The following MAP2K5 variants were observed in gnomAD, a reference collection of about 807,000 sequenced individuals.
MAP2K5 encodes the protein mitogen-activated protein kinase kinase 5.
A neutral mutation model predicts 83.1 loss-of-function variants in MAP2K5; 49 were observed. The observed-to-expected ratio is 0.59, with a 90% CI of 0.47 to 0.75. The LOEUF is 0.75. Among genes scored for constraint, MAP2K5 ranks in the 30% least tolerant of loss-of-function variants. The pLI, the probability that MAP2K5 is intolerant of heterozygous loss-of-function variation, is 0.00. For missense variants in MAP2K5, 457 were observed against 557.5 expected (o/e 0.82, Z 1.82); for synonymous variants, 202 against 191.8 (o/e 1.05, Z -0.44).
At chr15:67,549,915 A>G (rs2084473306) in intron 1 of MAP2K5, 119 bp from the exon 2 acceptor site, 1 of 720,432 alleles carries the variant, frequency 1.4e-6, no homozygotes, top group South Asian at 1.6e-5. Flanking sequence ...TAATGTTTTT[A>G]TAGTTTATGC....
Position 67,748,143 on chromosome 15 carries a change from A to G in MAP2K5, c.1075-88A>G, listed in dbSNP as rs1028184818. 1 of 887,890 alleles carries G rather than the reference A, an allele frequency of 1.1e-6. No homozygotes were observed. The allele number at this position is 887,890 out of a possible 1,614,324, so 55.0% of individuals were successfully genotyped here. A position where few individuals can be genotyped will look rare whatever the true frequency, so the allele number is the denominator to read the frequency against. The stretch of plus-strand genomic sequence containing the variant: ...CACATGCCCACAAATTGCCACCAGC[A>G]ATGCAATAATTTTCTCTCAGTGATC... On this transcript the variant is annotated intron_variant, in intron 17 of 21. Coordinates refer to ENST00000178640, the MANE Select transcript of MAP2K5 (RefSeq NM_145160.3). This position sits in a 1 kb window ranked among gnomAD's most constrained non-coding sequence, Gnocchi z 4.0.
At position 67,769,646 on chromosome 15, in the gene MAP2K5, A is replaced by G. The variant is rs934334850; in HGVS notation, c.1179A>G (p.Val393=). 8.7e-6 allele frequency: 14 copies of G among 1,613,644 alleles called. No individual in the cohort carries two copies. Among genetic ancestry groups the G allele is most frequent in the African/African-American group, 6.7e-5 (5 of 74,880 alleles). Residue 393 remains valine (V), a synonymous_variant, in exon 20 of 22, where the codon GTA becomes GTG. Transcript: ENST00000178640. The surrounding 1 kb of genome is among the most constrained non-coding windows in gnomAD (Gnocchi z 5.2). ...LPVGEFSEPF[V]HFITQCMRKQ... ...TTGGAGAGTTCTCGGAGCCATTTGT[A>G]CATTTCATCACTCAGTGGTGAGCCC...
intron 4 of MAP2K5, among the ~76,000 whole-genome samples, chr15:67,583,412 CAT>C (rs1393216622): frequency 1.3e-5 from 2 of 152,112 alleles, no homozygotes; most frequent in Non-Finnish European, 2.9e-5. Flanking sequence ...AATTGTTAAA[CAT>C]AGTCTTTCTA....
At position 67,794,056 on chromosome 15, in the gene MAP2K5, T is replaced by C. The variant is rs1038143428; in HGVS notation, c.1243-12590T>C. ...GTCTTTCTTAACAGTGGAAATAGACTTTGGTTTCATGAGGCTCTGCAGTGA... is the reference window on the plus strand; with the variant it reads ...GTCTTTCTTAACAGTGGAAATAGACCTTGGTTTCATGAGGCTCTGCAGTGA... On this transcript the variant is annotated intron_variant, in intron 21 of 21. Transcript: ENST00000178640. The surrounding 1 kb of genome is among the most constrained non-coding windows in gnomAD (Gnocchi z 4.6). Among the ~76,000 whole-genome samples the C allele has an allele frequency of 2.0e-5, 3 of 152,132 alleles. No homozygotes were observed. Among genetic ancestry groups the C allele is most frequent in the African/African-American group, 7.2e-5 (3 of 41,450 alleles).
intron 3 of MAP2K5, among the ~76,000 whole-genome samples, chr15:67,578,075 A>G (rs1346231849): frequency 2.0e-5 from 3 of 152,208 alleles, no homozygotes; most frequent in Non-Finnish European, 4.4e-5. Context: ...TGAGCCTCAC[A>G]GCTATCCTCT....
chr15:67,699,715 C>T (rs886257383), intron 15 of MAP2K5, among the ~76,000 whole-genome samples: 1 of 152,146 alleles, frequency 6.6e-6, no homozygotes, highest in Non-Finnish European at 1.5e-5. Context: ...TGAACAAGAT[C>T]AGCAGGAACA....
At chr15:67,618,407 C>CT (rs1484070920) in intron 8 of MAP2K5, among the ~76,000 whole-genome samples, 1 of 152,166 alleles carries the variant, frequency 6.6e-6, no homozygotes. Flanking sequence ...CACCTCTTCT[C>CT]TGTTTAATTC....
At chr15:67,714,942 A>G (rs1192313047) in intron 16 of MAP2K5, among the ~76,000 whole-genome samples, 2 of 152,220 alleles carry the variant, frequency 1.3e-5, no homozygotes, top group African/African-American at 4.8e-5. Context: ...GATCATGTTC[A>G]GTCTCCTGAT....
Position 67,561,897 on chromosome 15 carries a change from G to A in MAP2K5, c.185-1386G>A. Among the ~76,000 whole-genome samples the A allele has an allele frequency of 6.6e-6, 1 of 152,164 alleles. No individual in the cohort carries two copies. The highest frequency in any genetic ancestry group is 1.5e-5 in the Non-Finnish European group (1 of 68,018). On this transcript the variant is annotated intron_variant, in intron 2 of 21. Transcript: ENST00000178640. The surrounding 1 kb of genome is among the most constrained non-coding windows in gnomAD (Gnocchi z 4.2). ...AGGGAAGACCCACTGACTTGTGGTAGGGGAAGATCCCTGTGTTGAACTGAA... is the reference window on the plus strand; with the variant it reads ...AGGGAAGACCCACTGACTTGTGGTAAGGGAAGATCCCTGTGTTGAACTGAA...
rs900823619 is a variant in MAP2K5 at position 67,568,862 on chromosome 15, C to T, written c.252+5512C>T. On this transcript the variant is annotated intron_variant, in intron 3 of 21. Transcript: ENST00000178640. ...TCTACTAAAAATACTAAAAATTAGC[C>T]GGGCGTGGTGGCATGCGCCTGTAGT... is the stretch of plus-strand genomic sequence containing the variant. Among the ~76,000 whole-genome samples the T allele has an allele frequency of 1.0e-3, 157 of 151,600 alleles. 6 individuals are homozygous for T. The highest frequency in any genetic ancestry group is 9.7e-3 in the Admixed American group (148 of 15,226).
chr15:67,679,162 G>A (rs1012797491), intron 13 of MAP2K5, among the ~76,000 whole-genome samples: 1 of 152,160 alleles, frequency 6.6e-6, no homozygotes, highest in Non-Finnish European at 1.5e-5. Context: ...CAGGGGCTGG[G>A]CAGTGGGCGG....
In MAP2K5 at chr15:67,794,751, G is replaced by GCAGCAAA. The variant is rs2141337269; in HGVS notation, c.1243-11895_1243-11894insCAGCAAA. 6.6e-6 allele frequency among the ~76,000 whole-genome samples: 1 copy of GCAGCAAA among 151,206 alleles called. No individual in the cohort carries two copies. The highest frequency in any genetic ancestry group is 1.9e-4 in the East Asian group (1 of 5,158). On this transcript the variant is annotated intron_variant, in intron 21 of 21. Coordinates refer to ENST00000178640, the MANE Select transcript of MAP2K5 (RefSeq NM_145160.3). The surrounding 1 kb of genome is among the most constrained non-coding windows in gnomAD (Gnocchi z 4.6). ...AATTTTTTCCTCTGTATTTTTTGTT[G>GCAGCAAA]ATTTGATAGCAGCAAAAATTTTCCA...
chr15:67,624,151 A>G (rs746353876), intron 8 of MAP2K5, among the ~76,000 whole-genome samples: 4 of 151,564 alleles, frequency 2.6e-5, no homozygotes, highest in Admixed American at 6.6e-5. Flanking sequence ...CATCCTGGCT[A>G]ACACAGTGAA....
At chr15:67,650,257 C>T (rs76345937) in intron 11 of MAP2K5, among the ~76,000 whole-genome samples, 2,781 of 152,166 alleles carry the variant, frequency 0.018, 92 homozygotes, top group African/African-American at 0.063. Context: ...AAGATAATGC[C>T]ATCTGCAAAT....
rs771190400 is a variant in MAP2K5, at chr15:67,640,496, C to T, written c.586-5735C>T. 4.8e-5 allele frequency: 36 copies of T among 743,850 alleles called. 1 individual carries two copies. Among genetic ancestry groups the T allele is most frequent in the Middle Eastern group, 6.7e-4 (1 of 1,482 alleles). The allele number at this position is 743,850 out of a possible 1,614,324, so 46.1% of individuals were successfully genotyped here. On this transcript the variant is annotated intron_variant, in intron 9 of 21. Coordinates refer to ENST00000178640, the MANE Select transcript of MAP2K5 (RefSeq NM_145160.3). The surrounding 1 kb of genome is among the most constrained non-coding windows in gnomAD (Gnocchi z 4.6). ...CCTCCCAGTGACCTCAGCTGTGAAA[C>T]GGGGCTGCCTGATGTCACAGAGGAT...
At chr15:67,620,454 T>C (rs938492428) in intron 8 of MAP2K5, among the ~76,000 whole-genome samples, 2 of 152,060 alleles carry the variant, frequency 1.3e-5, no homozygotes, top group Non-Finnish European at 2.9e-5. Flanking sequence ...AATAGTAATT[T>C]ATAACACGAA....
In MAP2K5 at chr15:67,562,983, G is replaced by C. The variant is rs1340482413; in HGVS notation, c.185-300G>C. 6.6e-6 allele frequency among the ~76,000 whole-genome samples: 1 copy of C among 152,116 alleles called. No homozygotes were observed. Among genetic ancestry groups the C allele is most frequent in the African/African-American group, 2.4e-5 (1 of 41,408 alleles). ...AAGACTGGCCTCTCGTTGGTTTTTA[G>C]TTCCGCTAACCAAACCTGTTTTGTC... On this transcript the variant is annotated intron_variant, in intron 2 of 21. Transcript: ENST00000178640. This position sits in a 1 kb window ranked among gnomAD's most constrained non-coding sequence, Gnocchi z 4.1.
At chr15:67,674,137 G>A (rs1420659919) in intron 13 of MAP2K5, among the ~76,000 whole-genome samples, 11 of 152,248 alleles carry the variant, frequency 7.2e-5, no homozygotes, top group African/African-American at 2.4e-4. Flanking sequence ...ATGAGCCACC[G>A]TGCCCGGCCC....
intron 8 of MAP2K5, among the ~76,000 whole-genome samples, chr15:67,612,583 G>A (rs2085952348): frequency 6.6e-6 from 1 of 152,114 alleles, no homozygotes; most frequent in Admixed American, 6.6e-5. Context: ...ATGGTAGTTT[G>A]TGTCGTTCAG....
Sources: gnomAD v4.1 joint callset for allele counts (sites outside exome capture counted in the v4.1 genomes callset) on GRCh38, gnomAD v4.1.1 for gene constraint, Gnocchi (gnomAD v3.1) non-coding constraint, MANE v1.5 for transcripts, NCBI Gene and HGNC (gene_info 2026-07-23, HGNC 2026-07-21) for gene names.